The following VPS13C variants were observed in gnomAD, a reference collection of about 807,000 sequenced individuals.
VPS13C encodes the protein vacuolar protein sorting 13 homolog C, also known as intermembrane lipid transfer protein VPS13C.
A neutral mutation model predicts 456.8 loss-of-function variants in VPS13C; 358 were observed. The observed-to-expected ratio is 0.78, with a 90% CI of 0.72 to 0.86. The LOEUF (loss-of-function observed/expected upper bound fraction) is 0.86, where lower values mean the gene tolerates loss of function less well. VPS13C is among the 40% of genes least tolerant of loss of function. VPS13C has a pLI of 0.00. For synonymous variants in VPS13C, 1,578 were observed against 1,486.7 expected (o/e 1.06, Z -1.41); for missense variants, 4,818 against 4,385.4 (o/e 1.10, Z -2.79).
At position 61,931,215 on chromosome 15, in the gene VPS13C, T is replaced by C. The variant is rs965172982; in HGVS notation, c.5913A>G (p.Glu1971=). Residue 1971 remains glutamate, a synonymous_variant, in exon 50 of 85, where the codon GAA becomes GAG. Coordinates refer to ENST00000644861, the MANE Select transcript of VPS13C (RefSeq NM_020821.3). ...AFHNDSFQLG[E]LRLHLMASSG... is the part of the protein sequence containing the mutation. Reference sequence around the variant, plus strand: ...AGGAGGCCATAAGATGTAGTCTGAGTTCACCAAGTTGGAAACTGTCATTAT... The same window carrying C: ...AGGAGGCCATAAGATGTAGTCTGAGCTCACCAAGTTGGAAACTGTCATTAT... 1 of 1,613,974 alleles carries C rather than the reference T, an allele frequency of 6.2e-7. No individual in the cohort carries two copies. Among genetic ancestry groups the C allele is most frequent in the African/African-American group, 1.3e-5 (1 of 74,920 alleles).
chr15:61,858,741 A>G lies in VPS13C; in HGVS notation c.10953-2332T>C, dbSNP rs1206790404. Among the ~76,000 whole-genome samples the G allele has an allele frequency of 6.6e-6, 1 of 152,190 alleles. No homozygotes were observed. The highest frequency in any genetic ancestry group is 2.4e-5 in the African/African-American group (1 of 41,464). On this transcript the variant is annotated intron_variant, in intron 82 of 84. Coordinates refer to ENST00000644861, the MANE Select transcript of VPS13C (RefSeq NM_020821.3). The surrounding 1 kb of genome is among the most constrained non-coding windows in gnomAD (Gnocchi z 4.4). ...TTCAAAGCACCCTTGTTGGGTTGGA[A>G]TAAGGGTAGCTTCTAGGAGCTAAGA... is the stretch of plus-strand genomic sequence containing the variant.
Position 61,951,835 on chromosome 15 carries a change from A to G in VPS13C, c.4445T>C (p.Phe1482Ser). Residue 1482 changes from phenylalanine to serine, a missense_variant, in exon 39 of 85, where the codon TTT (phenylalanine) becomes TCT (serine). By Grantham distance (155) the Phe-to-Ser change is radical (BLOSUM62 -2). Coordinates refer to ENST00000644861, the MANE Select transcript of VPS13C (RefSeq NM_020821.3). Reference sequence around the variant, plus strand: ...TATTTCACACTTACCAGTGAAATCAAAGCACTGCATACTAATTTTTTTTAG... The same window carrying G: ...TATTTCACACTTACCAGTGAAATCAGAGCACTGCATACTAATTTTTTTTAG... Reference protein sequence around the residue: ...AYLKKISMQCFDFTDSKGEPL... With the variant: ...AYLKKISMQCSDFTDSKGEPL... 6.2e-7 allele frequency: 1 copy of G among 1,610,128 alleles called. No homozygotes were observed. Among genetic ancestry groups the G allele is most frequent in the Non-Finnish European group, 8.5e-7 (1 of 1,178,426 alleles).
At chr15:62,018,008 T>C (rs1232741118) in intron 9 of VPS13C, among the ~76,000 whole-genome samples, 1 of 152,196 alleles carries the variant, frequency 6.6e-6, no homozygotes, top group Non-Finnish European at 1.5e-5. Flanking sequence ...TCACGTCCCT[T>C]GTAAGTTGGA....
intron 61 of VPS13C, 21 bp from the exon 62 acceptor site, chr15:61,913,436 C>A: frequency 6.3e-7 from 1 of 1,584,428 alleles, no homozygotes; most frequent in Non-Finnish European, 8.7e-7. Flanking sequence ...GAGCACATAT[C>A]GTCATATAAG....
At chr15:61,998,265 C>T (rs565161583) in intron 16 of VPS13C, among the ~76,000 whole-genome samples, 9 of 152,278 alleles carry the variant, frequency 5.9e-5, no homozygotes, top group African/African-American at 2.2e-4. Flanking sequence ...TTCCTGACAA[C>T]CCTGTTTAAA....
At chr15:61,883,795 A>G (rs1427120596) in intron 68 of VPS13C, among the ~76,000 whole-genome samples, 1 of 152,168 alleles carries the variant, frequency 6.6e-6, no homozygotes, top group African/African-American at 2.4e-5. Context: ...TCAATGAGGC[A>G]TTCTTAACTT....
At chr15:61,934,693 C>T (rs549689446) in intron 48 of VPS13C, among the ~76,000 whole-genome samples, 2 of 152,122 alleles carry the variant, frequency 1.3e-5, no homozygotes, top group South Asian at 4.1e-4. Flanking sequence ...TTATATTAGA[C>T]AGCTAGTAAC....
At chr15:62,019,104 G>C (rs1418093493) in intron 9 of VPS13C, among the ~76,000 whole-genome samples, 1 of 151,962 alleles carries the variant, frequency 6.6e-6, no homozygotes, top group Non-Finnish European at 1.5e-5. Context: ...TCTGATGGTA[G>C]TTTTGTATTT....
At chr15:61,999,904 T>TAAA (rs71125961) in intron 16 of VPS13C, among the ~76,000 whole-genome samples, 4 of 116,252 alleles carry the variant, frequency 3.4e-5, no homozygotes, top group Non-Finnish European at 7.1e-5. Flanking sequence ...AAAGAAAAAG[T>TAAA]AAAAAAAAAA....
intron 62 of VPS13C, among the ~76,000 whole-genome samples, chr15:61,912,676 T>A (rs1250835560): frequency 1.3e-5 from 2 of 151,610 alleles, no homozygotes. Context: ...AGTTTTAGGG[T>A]ACATGTGCAC....
chr15:61,911,471 A>C (rs996368936), intron 63 of VPS13C, among the ~76,000 whole-genome samples: 1 of 152,166 alleles, frequency 6.6e-6, no homozygotes, highest in Non-Finnish European at 1.5e-5. Context: ...AGGATGTGCT[A>C]TCTCTCCACA....
chr15:61,891,921 G>A (rs1369361879), intron 66 of VPS13C, among the ~76,000 whole-genome samples: 1 of 152,184 alleles, frequency 6.6e-6, no homozygotes, highest in Non-Finnish European at 1.5e-5. Context: ...CCACAGAGAA[G>A]TGAAAAGCTC....
chr15:61,926,006 G>C (rs929477127), intron 52 of VPS13C, among the ~76,000 whole-genome samples: 5 of 152,276 alleles, frequency 3.3e-5, no homozygotes, highest in East Asian at 3.9e-4. Flanking sequence ...TCATCAAATT[G>C]TGAAGCCTAT....
At chr15:62,048,983 A>T (rs1213269899) in intron 1 of VPS13C, among the ~76,000 whole-genome samples, 13 of 150,174 alleles carry the variant, frequency 8.7e-5, no homozygotes, top group Non-Finnish European at 1.5e-4. Context: ...GTTTGAGTTC[A>T]TTGTAGATTC....
At chr15:61,913,507 T>C (rs1232471629) in intron 61 of VPS13C, 92 bp from the exon 62 acceptor site, 1 of 1,084,104 alleles carries the variant, frequency 9.2e-7, no homozygotes, top group Non-Finnish European at 1.4e-6. Context: ...TAGAAATTTC[T>C]TTAGTACCGT....
chr15:62,003,244 A>C lies in VPS13C; in HGVS notation c.1291-2618T>G, dbSNP rs1053456477. Among the ~76,000 whole-genome samples, 55 of 150,864 alleles carry C rather than the reference A, an allele frequency of 3.6e-4. 2 individuals carry two copies. The highest frequency in any genetic ancestry group is 1.3e-3 in the African/African-American group (53 of 40,318). The stretch of plus-strand genomic sequence containing the variant: ...TGAAGAGGTCCTTCACGTCCTTTGT[A>C]AGTTGGATTCCTAGGTATTTTATTC... On this transcript the variant is annotated intron_variant, in intron 15 of 84. Coordinates refer to ENST00000644861, the MANE Select transcript of VPS13C (RefSeq NM_020821.3).
intron 34 of VPS13C, 49 bp downstream of exon 34, chr15:61,962,322 T>C: frequency 6.7e-7 from 1 of 1,498,718 alleles, no homozygotes; most frequent in South Asian, 1.4e-5. Flanking sequence ...TTATCACACT[T>C]TTAAAATATT....
intron 66 of VPS13C, among the ~76,000 whole-genome samples, chr15:61,891,932 C>CA (rs1003847255): frequency 2.6e-5 from 4 of 152,170 alleles, no homozygotes; most frequent in Admixed American, 6.5e-5. Context: ...TGAAAAGCTC[C>CA]ACGCAGATGG....
intron 47 of VPS13C, among the ~76,000 whole-genome samples, chr15:61,937,034 G>C (rs999383077): frequency 2.6e-5 from 4 of 152,060 alleles, no homozygotes; most frequent in African/African-American, 9.7e-5. Context: ...GTGCCTATCT[G>C]TCCCATTTCC....
Sources: gnomAD v4.1 joint callset for allele counts (sites outside exome capture counted in the v4.1 genomes callset) on GRCh38, gnomAD v4.1.1 for gene constraint, Gnocchi (gnomAD v3.1) non-coding constraint, MANE v1.5 for transcripts, NCBI Gene and HGNC (gene_info 2026-07-23, HGNC 2026-07-21) for gene names.